RBFOX1: variants seen among roughly 807,000 people sequenced by gnomAD.
RBFOX1 encodes the protein RNA binding protein fox-1 homolog 1.
RBFOX1 carries 8 observed loss-of-function variants against 57.7 expected under a neutral mutation model. The ratio of observed to expected loss-of-function variants is 0.14; its 90% CI spans 0.08 to 0.25. The LOEUF is 0.25. Ranked by LOEUF, RBFOX1 falls within the 10% of genes least tolerant of loss-of-function variation. The pLI, the probability that RBFOX1 is intolerant of heterozygous loss-of-function variation, is 1.00. For synonymous variants in RBFOX1, 326 were observed against 222.4 expected (o/e 1.47, Z -4.15); for missense variants, 611 against 548.5 (o/e 1.11, Z -1.14).
intron 1 of RBFOX1, among the ~76,000 whole-genome samples, chr16:6,071,515 C>T (rs750632428): frequency 7.1e-6 from 1 of 141,042 alleles, no homozygotes; most frequent in Non-Finnish European, 1.6e-5. Context: ...ATGTGTAGTC[C>T]TGAACTTAAA....
At chr16:7,420,323 C>G (rs2098528334) in intron 4 of RBFOX1, among the ~76,000 whole-genome samples, 1 of 152,118 alleles carries the variant, frequency 6.6e-6, no homozygotes, top group African/African-American at 2.4e-5. Flanking sequence ...ATCTGTTTAT[C>G]ATCTTATGCT....
At chr16:7,096,880 C>T (rs900040263) in intron 4 of RBFOX1, among the ~76,000 whole-genome samples, 3 of 131,142 alleles carry the variant, frequency 2.3e-5, no homozygotes, top group East Asian at 2.4e-4. Flanking sequence ...TGCAGTTGGC[C>T]GAGATCGTAC....
intron 1 of RBFOX1, among the ~76,000 whole-genome samples, chr16:5,260,416 A>C (rs991612520): frequency 2.0e-5 from 3 of 152,186 alleles, no homozygotes; most frequent in African/African-American, 7.2e-5. Flanking sequence ...ACAAAATGAG[A>C]TTTTAAAAAC....
At chr16:7,397,853 C>G (rs1446640226) in intron 4 of RBFOX1, among the ~76,000 whole-genome samples, 1 of 152,104 alleles carries the variant, frequency 6.6e-6, no homozygotes, top group Non-Finnish European at 1.5e-5. Flanking sequence ...GAATAAACCT[C>G]TTAGTCTATT....
chr16:6,161,416 G>C (rs2096878171), intron 1 of RBFOX1, among the ~76,000 whole-genome samples: 1 of 150,662 alleles, frequency 6.6e-6, no homozygotes, highest in Admixed American at 6.6e-5. Flanking sequence ...GGATTGATTA[G>C]TTCGTCAGTA....
intron 3 of RBFOX1, among the ~76,000 whole-genome samples, chr16:5,605,934 T>C (rs569248367): frequency 1.3e-5 from 2 of 152,232 alleles, no homozygotes; most frequent in East Asian, 1.9e-4. Flanking sequence ...ATGGAACCCA[T>C]AAGCTGGCCC....
At chr16:6,568,494 C>A (rs940160767) in intron 2 of RBFOX1, among the ~76,000 whole-genome samples, 1 of 152,114 alleles carries the variant, frequency 6.6e-6, no homozygotes, top group Non-Finnish European at 1.5e-5. Flanking sequence ...TCTTTTATAA[C>A]CCAACCTCAG....
intron 3 of RBFOX1, among the ~76,000 whole-genome samples, chr16:7,034,533 G>C (rs2043724161): frequency 6.6e-6 from 1 of 152,202 alleles, no homozygotes; most frequent in East Asian, 1.9e-4. Flanking sequence ...ATGGGAAGTG[G>C]GAAGAGGGGA....
At chr16:5,557,147 C>T (rs182304127) in intron 2 of RBFOX1, among the ~76,000 whole-genome samples, 1 of 152,084 alleles carries the variant, frequency 6.6e-6, no homozygotes, top group Non-Finnish European at 1.5e-5. Context: ...GTAGTCCCAG[C>T]TACTCAGGAG....
intron 10 of RBFOX1, among the ~76,000 whole-genome samples, chr16:7,622,495 T>C (rs1357956575): frequency 6.6e-6 from 1 of 152,230 alleles, no homozygotes; most frequent in Non-Finnish European, 1.5e-5. Context: ...GAGTGAGTCA[T>C]TAAAATTTTC....
At chr16:6,749,681 G>T (rs1390720456) in intron 3 of RBFOX1, among the ~76,000 whole-genome samples, 1 of 152,116 alleles carries the variant, frequency 6.6e-6, no homozygotes, top group Non-Finnish European at 1.5e-5. Flanking sequence ...AAATCTTAGT[G>T]ACCTCAGTAA....
intron 10 of RBFOX1, among the ~76,000 whole-genome samples, chr16:7,625,231 G>A (rs911072703): frequency 3.3e-5 from 5 of 152,114 alleles, no homozygotes; most frequent in African/African-American, 9.7e-5. Flanking sequence ...CTGGGCACAG[G>A]TGGTGACAAG....
intron 4 of RBFOX1, among the ~76,000 whole-genome samples, chr16:5,983,730 TTGA>T (rs2060220557): frequency 6.6e-6 from 1 of 152,098 alleles, no homozygotes; most frequent in Non-Finnish European, 1.5e-5. Context: ...TAGATTGGAT[TTGA>T]TTGTTTCTTC....
chr16:6,500,925 T>A (rs2095898573), intron 2 of RBFOX1, among the ~76,000 whole-genome samples: 1 of 147,236 alleles, frequency 6.8e-6, no homozygotes, highest in Admixed American at 6.7e-5. Context: ...CCTCTGTCCC[T>A]TGTTAAGTTT....
intron 13 of RBFOX1, among the ~76,000 whole-genome samples, chr16:7,667,639 T>C (rs1019469563): frequency 6.6e-6 from 1 of 152,098 alleles, no homozygotes; most frequent in South Asian, 2.1e-4. Flanking sequence ...CCGGGATATA[T>C]GTTAGACACA....
intron 4 of RBFOX1, among the ~76,000 whole-genome samples, chr16:7,488,489 T>C (rs1018017053): frequency 6.6e-6 from 1 of 152,196 alleles, no homozygotes; most frequent in African/African-American, 2.4e-5. Context: ...ACATTCATTA[T>C]CCATATATAC....
intron 3 of RBFOX1, among the ~76,000 whole-genome samples, chr16:5,809,754 G>T (rs2151773553): frequency 6.6e-6 from 1 of 152,284 alleles, no homozygotes; most frequent in East Asian, 1.9e-4. Flanking sequence ...AACCATTGTG[G>T]AAGTCAGTGT....
intron 1 of RBFOX1, among the ~76,000 whole-genome samples, chr16:6,289,977 G>C (rs1484171071): frequency 6.6e-6 from 1 of 152,216 alleles, no homozygotes; most frequent in Non-Finnish European, 1.5e-5. Flanking sequence ...GGTGAATATG[G>C]AGAAGGGGTA....
intron 3 of RBFOX1, among the ~76,000 whole-genome samples, chr16:5,728,952 G>A (rs1230930305): frequency 2.0e-5 from 3 of 152,226 alleles, no homozygotes; most frequent in Non-Finnish European, 4.4e-5. Flanking sequence ...GACAAACAGT[G>A]ACAGGTTGAA....
Sources: allele counts gnomAD v4.1 joint callset (sites outside exome capture counted in the v4.1 genomes callset), GRCh38; gene constraint gnomAD v4.1.1; transcripts MANE v1.5; gene names NCBI Gene and HGNC (gene_info 2026-07-23, HGNC 2026-07-21).